FHOD3: variants seen among roughly 807,000 people sequenced by gnomAD.
The protein encoded by FHOD3 is formin homology 2 domain containing 3.
A neutral mutation model predicts 173.0 loss-of-function variants in FHOD3; 90 were observed. That is an observed-to-expected ratio of 0.52 (90% CI 0.44 to 0.62). FHOD3 has a LOEUF of 0.62. Ranked by LOEUF, FHOD3 falls within the 20% of genes least tolerant of loss-of-function variation. FHOD3 has a pLI of 0.00. For missense variants in FHOD3, 1,945 were observed against 2,034.7 expected (o/e 0.96, Z 0.85); for synonymous variants, 828 against 823.0 (o/e 1.01, Z -0.10).
At chr18:36,413,410 G>A (rs1306023296) in intron 3 of FHOD3, among the ~76,000 whole-genome samples, 1 of 152,186 alleles carries the variant, frequency 6.6e-6, no homozygotes, top group African/African-American at 2.4e-5. Flanking sequence ...CACTGGATTT[G>A]GGACCTAGGA....
At chr18:36,329,367 T>C (rs1312501443) in intron 1 of FHOD3, among the ~76,000 whole-genome samples, 1 of 152,202 alleles carries the variant, frequency 6.6e-6, no homozygotes, top group Non-Finnish European at 1.5e-5. Context: ...ACTGTTGCTC[T>C]TGCTGCCTGT....
chr18:36,679,402 T>G (rs1162658905), intron 14 of FHOD3, among the ~76,000 whole-genome samples: 2 of 152,118 alleles, frequency 1.3e-5, no homozygotes, highest in African/African-American at 4.8e-5. Context: ...CCTATTTTAT[T>G]AGTCTTTGCT....
chr18:36,415,113 G>A (rs1341751439), intron 3 of FHOD3, among the ~76,000 whole-genome samples: 1 of 152,228 alleles, frequency 6.6e-6, no homozygotes, highest in Non-Finnish European at 1.5e-5. Flanking sequence ...TTCAGGGAAA[G>A]TGTGAGGCCT....
chr18:36,742,778 C>A lies in FHOD3; in HGVS notation c.3801C>A (p.Asp1267Glu), dbSNP rs1370345771. 1 of 1,613,922 alleles carries A rather than the reference C, an allele frequency of 6.2e-7. No individual in the cohort carries two copies. The highest frequency in any genetic ancestry group is 8.5e-7 in the Non-Finnish European group (1 of 1,179,918). ...TCCTGGACCTGAAGGAAGGAATAGA[C>A]CAGTTGGAGAACAATAAAACCTTGG... ...EPLLDLKEGI[D>E]QLENNKTLGF... is the part of the protein sequence containing the mutation. Residue 1267 changes from aspartate (D) to glutamate (E), a missense_variant, in exon 22 of 29, where the codon GAC becomes GAA. Asp to Glu is a conservative substitution (Grantham distance 45, BLOSUM62 2). Coordinates refer to ENST00000590592, the MANE Select transcript of FHOD3 (RefSeq NM_001281740.3).
chr18:36,618,073 G>A (rs1247563000), intron 9 of FHOD3, among the ~76,000 whole-genome samples: 2 of 148,396 alleles, frequency 1.3e-5, no homozygotes. Flanking sequence ...TTAACTAATG[G>A]TTTGTCTATT....
chr18:36,680,807 C>G (rs1015204320), intron 14 of FHOD3, among the ~76,000 whole-genome samples: 3 of 152,264 alleles, frequency 2.0e-5, no homozygotes, highest in South Asian at 4.1e-4. Context: ...TTTTTTTGTC[C>G]TCATCTGTCA....
intron 3 of FHOD3, among the ~76,000 whole-genome samples, chr18:36,397,604 G>A (rs1208265014): frequency 6.6e-6 from 1 of 152,152 alleles, no homozygotes; most frequent in Non-Finnish European, 1.5e-5. Context: ...CAAATAGTAT[G>A]TCTCTGCCTC....
At chr18:36,622,469 A>T (rs550941371) in intron 9 of FHOD3, among the ~76,000 whole-genome samples, 2 of 152,162 alleles carry the variant, frequency 1.3e-5, no homozygotes, top group Admixed American at 6.5e-5. Context: ...TTACATGGGG[A>T]TGTGTAAGCC....
chr18:36,357,838 GCTTGAGGAC>G (rs1446250769), intron 2 of FHOD3, among the ~76,000 whole-genome samples: 2 of 152,240 alleles, frequency 1.3e-5, no homozygotes, highest in African/African-American at 4.8e-5. Flanking sequence ...GTGGTGTTGT[GCTTGAGGAC>G]CTTGTCCTCG....
chr18:36,482,759 G>C (rs1250339061), intron 3 of FHOD3, among the ~76,000 whole-genome samples: 1 of 151,806 alleles, frequency 6.6e-6, no homozygotes, highest in Non-Finnish European at 1.5e-5. Context: ...ACTTCATGGA[G>C]TCCAATAAAT....
intron 3 of FHOD3, among the ~76,000 whole-genome samples, chr18:36,409,919 T>C (rs1347817878): frequency 1.3e-5 from 2 of 152,214 alleles, no homozygotes; most frequent in Admixed American, 1.3e-4. Flanking sequence ...ATAATGCCCA[T>C]GAGAGGAGAT....
chr18:36,743,090 C>A lies in FHOD3; in HGVS notation c.3879+234C>A. 1.8e-5 allele frequency among the ~76,000 whole-genome samples: 2 copies of A among 112,754 alleles called. 1 individual carries two copies. Among genetic ancestry groups the A allele is most frequent in the Non-Finnish European group, 3.6e-5 (2 of 55,908 alleles). The allele number at this position is 112,754 out of a possible 152,430, so 74.0% of individuals were successfully genotyped here. On this transcript the variant is annotated intron_variant, in intron 22 of 28. Transcript: ENST00000590592. ...CTTTGTGAGGCTGACGCGGGTGGAT[C>A]ACGAGGTCAGGAGATCGAGCCATCC...
intron 10 of FHOD3, among the ~76,000 whole-genome samples, chr18:36,642,542 C>G (rs1032492917): frequency 7.0e-6 from 1 of 143,852 alleles, no homozygotes; most frequent in Non-Finnish European, 1.5e-5. Context: ...GAGAGAGCGC[C>G]GCTGCACTCC....
chr18:36,694,519 T>G (rs2039146695), intron 17 of FHOD3, among the ~76,000 whole-genome samples: 1 of 152,150 alleles, frequency 6.6e-6, no homozygotes, highest in South Asian at 2.1e-4. Context: ...CTTAAAATAT[T>G]GAGACTCTGA....
At chr18:36,531,854 G>C in intron 5 of FHOD3, among the ~76,000 whole-genome samples, 1 of 152,296 alleles carries the variant, frequency 6.6e-6, no homozygotes, top group East Asian at 1.9e-4. Context: ...AGGCAGGCTG[G>C]CTCCTGCCTG....
intron 1 of FHOD3, among the ~76,000 whole-genome samples, chr18:36,335,393 G>A (rs2045254596): frequency 6.6e-6 from 1 of 151,472 alleles, no homozygotes; most frequent in Non-Finnish European, 1.5e-5. Context: ...TACTCGGGAG[G>A]CTGAGGCAGG....
chr18:36,601,560 G>T (rs2031386020), intron 7 of FHOD3, among the ~76,000 whole-genome samples: 1 of 152,154 alleles, frequency 6.6e-6, no homozygotes, highest in African/African-American at 2.4e-5. Context: ...CAACAAGACA[G>T]ATACTATCAT....
intron 3 of FHOD3, among the ~76,000 whole-genome samples, chr18:36,394,615 C>T (rs2048460812): frequency 6.6e-6 from 1 of 152,188 alleles, no homozygotes; most frequent in Non-Finnish European, 1.5e-5. Flanking sequence ...GCCACTGGAA[C>T]CCAAGGAGGC....
intron 11 of FHOD3, 101 bp downstream of exon 11, chr18:36,649,506 C>A: frequency 2.4e-6 from 2 of 826,704 alleles, no homozygotes; most frequent in Non-Finnish European, 3.7e-6. Flanking sequence ...TCCTCATTGA[C>A]TCCCACTTGC....
Sources: gnomAD v4.1 joint callset for allele counts (sites outside exome capture counted in the v4.1 genomes callset) on GRCh38, gnomAD v4.1.1 for gene constraint, MANE v1.5 for transcripts, NCBI Gene and HGNC (gene_info 2026-07-23, HGNC 2026-07-21) for gene names.